BATF: variants seen among roughly 807,000 people sequenced by gnomAD.
BATF encodes the protein basic leucine zipper transcriptional factor ATF-like.
In BATF, 5 loss-of-function variants were observed where a neutral mutation model predicts 13.7. The ratio of observed to expected loss-of-function variants is 0.36; its 90% CI spans 0.19 to 0.77. The LOEUF (loss-of-function observed/expected upper bound fraction) is 0.77. Ranked by LOEUF, BATF falls within the 30% of genes least tolerant of loss-of-function variation. BATF has a pLI of 0.51. For synonymous variants in BATF, 72 were observed against 67.5 expected (o/e 1.07, Z -0.33); for missense variants, 124 against 163.0 (o/e 0.76, Z 1.30).
chr14:75,546,915 A>T lies in BATF; in HGVS notation c.*244A>T. ...AGGCCCAATGCAGAAGAGTATTAAG[A>T]AAGATGCTCAAGTCCCATGGCACAG... On this transcript the variant is annotated 3_prime_UTR_variant, in exon 3 of 3. Transcript: ENST00000286639. 2.8e-6 allele frequency: 2 copies of T among 707,552 alleles called. No individual in the cohort carries two copies. Among genetic ancestry groups the T allele is most frequent in the Non-Finnish European group, 5.1e-6 (2 of 389,556 alleles). The allele number at this position is 707,552 out of a possible 1,614,324, so 43.8% of individuals were successfully genotyped here.
chr14:75,527,863 C>T (rs571756753), intron 2 of BATF, among the ~76,000 whole-genome samples: 3 of 152,206 alleles, frequency 2.0e-5, no homozygotes, highest in South Asian at 2.1e-4. Flanking sequence ...ATGAGTAGGT[C>T]GCAGCGGAGT....
chr14:75,539,451 T>TTTTTTTG (rs376041946), intron 2 of BATF, among the ~76,000 whole-genome samples: 1 of 146,794 alleles, frequency 6.8e-6, no homozygotes, highest in Non-Finnish European at 1.5e-5. Context: ...TTTTTTTTTT[T>TTTTTTTG]AGCAATTCTT....
At chr14:75,532,900 T>A (rs1462688542) in intron 2 of BATF, among the ~76,000 whole-genome samples, 1 of 152,230 alleles carries the variant, frequency 6.6e-6, no homozygotes, top group Non-Finnish European at 1.5e-5. Flanking sequence ...CGGAAGGATA[T>A]TCTCCAAAAT....
chr14:75,524,352 T>TG (rs1027761608), intron 1 of BATF, among the ~76,000 whole-genome samples: 19 of 152,298 alleles, frequency 1.2e-4, no homozygotes, highest in African/African-American at 4.6e-4. Flanking sequence ...GCTGGGGCCA[T>TG]GGGGAATGTC....
chr14:75,545,954 G>T (rs917410065), intron 2 of BATF, among the ~76,000 whole-genome samples: 2 of 152,082 alleles, frequency 1.3e-5, no homozygotes, highest in Non-Finnish European at 2.9e-5. Flanking sequence ...TGCCTCCCTG[G>T]TTCAAGTAAT....
chr14:75,529,720 T>G (rs532681606), intron 2 of BATF, among the ~76,000 whole-genome samples: 2 of 152,256 alleles, frequency 1.3e-5, no homozygotes, highest in South Asian at 4.1e-4. Flanking sequence ...TATGTTTACT[T>G]ACTATATGAG....
intron 2 of BATF, among the ~76,000 whole-genome samples, chr14:75,534,465 A>G (rs971111049): frequency 2.0e-5 from 3 of 152,202 alleles, no homozygotes; most frequent in African/African-American, 4.8e-5. Context: ...TTTACCCACA[A>G]GATGCCAGTA....
chr14:75,539,297 G>A (rs1182895728), intron 2 of BATF, among the ~76,000 whole-genome samples: 3 of 152,118 alleles, frequency 2.0e-5, no homozygotes, highest in Non-Finnish European at 4.4e-5. Context: ...AGCAGGCTGT[G>A]CCTTTTTGGT....
At chr14:75,527,077 C>T (rs1469009791) in intron 2 of BATF, among the ~76,000 whole-genome samples, 1 of 152,136 alleles carries the variant, frequency 6.6e-6, no homozygotes, top group Non-Finnish European at 1.5e-5. Context: ...ACGTTCTTGG[C>T]CTCCCTTGGG....
chr14:75,527,199 TATA>T (rs1595002977), intron 2 of BATF, among the ~76,000 whole-genome samples: 1 of 152,152 alleles, frequency 6.6e-6, no homozygotes, highest in East Asian at 1.9e-4. Context: ...AAAATTTAAG[TATA>T]ATAAGAGTAA....
In BATF at chr14:75,546,581, G is replaced by A; in HGVS notation, c.288G>A (p.Leu96=). ...GCCACGAGCCCCTGTGCTCGGTGCT[G>A]GCCGCCAGCACGCCCTCGCCCCCCG... The part of the protein sequence containing the change: ...LNSHEPLCSV[L]AASTPSPPEV... Residue 96 remains leucine (L), a synonymous_variant, in exon 3 of 3, where the codon CTG becomes CTA. Coordinates refer to ENST00000286639, the MANE Select transcript of BATF (RefSeq NM_006399.5). 1 of 1,614,102 alleles carries A rather than the reference G, an allele frequency of 6.2e-7. No individual in the cohort carries two copies. The highest frequency in any genetic ancestry group is 8.5e-7 in the Non-Finnish European group (1 of 1,179,986).
At chr14:75,541,864 A>T (rs545129819) in intron 2 of BATF, among the ~76,000 whole-genome samples, 1 of 152,240 alleles carries the variant, frequency 6.6e-6, no homozygotes, top group South Asian at 2.1e-4. Context: ...GGGCTTCACC[A>T]TGCTGGCCAG....
At chr14:75,523,303 C>T (rs997346711) in intron 1 of BATF, among the ~76,000 whole-genome samples, 4 of 152,070 alleles carry the variant, frequency 2.6e-5, no homozygotes, top group African/African-American at 9.7e-5. Flanking sequence ...TGGGGCACTG[C>T]CTCTGTTGCT....
At chr14:75,531,972 G>A (rs182342575) in intron 2 of BATF, among the ~76,000 whole-genome samples, 1 of 152,304 alleles carries the variant, frequency 6.6e-6, no homozygotes, top group Admixed American at 6.5e-5. Context: ...GGAAAGAGAT[G>A]CGACCCTTCT....
intron 2 of BATF, among the ~76,000 whole-genome samples, chr14:75,534,403 T>A (rs1887788856): frequency 1.3e-5 from 2 of 152,154 alleles, no homozygotes; most frequent in African/African-American, 4.8e-5. Flanking sequence ...ATACTTCGAG[T>A]CCGATAATTC....
rs183082668 is a variant in BATF, at chr14:75,537,583, C to T, written c.169-8879C>T. 7.0e-4 allele frequency among the ~76,000 whole-genome samples: 106 copies of T among 152,258 alleles called. 1 individual carries two copies. The highest frequency in any genetic ancestry group is 3.1e-3 in the Admixed American group (48 of 15,296). On this transcript the variant is annotated intron_variant, in intron 2 of 2. Transcript: ENST00000286639. ...CAATGTAAATGGTAAGGAAACGAAA[C>T]GGTTAAAGTTATAATTAATGAAACA...
chr14:75,524,146 C>T (rs534299376), intron 1 of BATF, among the ~76,000 whole-genome samples: 7 of 152,294 alleles, frequency 4.6e-5, no homozygotes, highest in Non-Finnish European at 8.8e-5. Context: ...GCCAGGACTC[C>T]TACACCTACA....
Position 75,522,525 on chromosome 14 carries a change from G to A in BATF, c.-158G>A, listed in dbSNP as rs1887585645. 1.5e-6 allele frequency: 1 copy of A among 687,298 alleles called. No homozygotes were observed. The highest frequency in any genetic ancestry group is 2.5e-5 in the Admixed American group (1 of 39,394). 42.6% of individuals were successfully genotyped at this position (687,298 alleles called of 1,614,324 possible). On this transcript the variant is annotated 5_prime_UTR_variant, in exon 1 of 3. Transcript: ENST00000286639. ...TCCCTCTGCACCCCAGAGTGAGGAG[G>A]ACGCAGGGGTCAGAGGTGGCTACAG...
chr14:75,543,867 C>T (rs923081295), intron 2 of BATF, among the ~76,000 whole-genome samples: 11 of 151,948 alleles, frequency 7.2e-5, no homozygotes, highest in African/African-American at 2.7e-4. Flanking sequence ...CTGCTGGGCT[C>T]AAGCGATCCT....
Sources: gnomAD v4.1 joint callset for allele counts (sites outside exome capture counted in the v4.1 genomes callset) on GRCh38, gnomAD v4.1.1 for gene constraint, MANE v1.5 for transcripts, NCBI Gene and HGNC (gene_info 2026-07-23, HGNC 2026-07-21) for gene names.